The following TECRL variants were observed in gnomAD, a reference collection of about 807,000 sequenced individuals.
TECRL encodes the protein trans-2,3-enoyl-CoA reductase-like.
Under a neutral mutation model 52.8 loss-of-function variants are expected in TECRL, and 63 were observed. The observed-to-expected ratio is 1.19, with a 90% CI of 0.97 to 1.47. The LOEUF (loss-of-function observed/expected upper bound fraction) is 1.47, where lower values mean the gene tolerates loss of function less well. Ranked by LOEUF, TECRL falls within the 40% of genes most tolerant of loss-of-function variation. TECRL has a pLI of 0.00. For missense variants in TECRL, 482 were observed against 429.6 expected (o/e 1.12, Z -1.08); for synonymous variants, 164 against 141.9 (o/e 1.16, Z -1.10).
intron 1 of TECRL, among the ~76,000 whole-genome samples, chr4:64,383,658 T>C (rs1722970993): frequency 6.6e-6 from 1 of 152,056 alleles, no homozygotes; most frequent in African/African-American, 2.4e-5. Flanking sequence ...TTCTGATTTA[T>C]TTGTATTTTT....
intron 5 of TECRL, among the ~76,000 whole-genome samples, chr4:64,313,499 T>A (rs1447021092): frequency 5.0e-5 from 3 of 60,484 alleles, no homozygotes; most frequent in African/African-American, 9.3e-5. Context: ...TTTTTTTTTT[T>A]GAGACGGAGT....
intron 8 of TECRL, among the ~76,000 whole-genome samples, chr4:64,297,400 C>T (rs1723749628): frequency 1.3e-5 from 2 of 150,730 alleles, no homozygotes; most frequent in African/African-American, 4.8e-5. Context: ...GTACATAGGT[C>T]AAAAATAAGA....
intron 5 of TECRL, among the ~76,000 whole-genome samples, chr4:64,312,071 G>A (rs1353215898): frequency 2.0e-5 from 3 of 152,140 alleles, no homozygotes; most frequent in South Asian, 2.1e-4. Flanking sequence ...CCCCGTGTGC[G>A]GAGGTTTCTA....
chr4:64,298,956 C>T (rs1723848098), intron 8 of TECRL: 2 of 151,118 alleles, frequency 1.3e-5, no homozygotes, highest in Admixed American at 6.6e-5. Flanking sequence ...CAGAATTCCT[C>T]TCCTTGAACA....
intron 1 of TECRL, among the ~76,000 whole-genome samples, chr4:64,381,763 T>C (rs554561570): frequency 1.3e-5 from 2 of 152,242 alleles, no homozygotes; most frequent in South Asian, 2.1e-4. Flanking sequence ...TAGGGTATTA[T>C]CTTTTTGATG....
intron 1 of TECRL, among the ~76,000 whole-genome samples, chr4:64,390,008 T>A (rs1560552149): frequency 6.6e-6 from 1 of 151,850 alleles, no homozygotes. Flanking sequence ...AATGTTCATA[T>A]ACCTGGGAGC....
intron 7 of TECRL, among the ~76,000 whole-genome samples, chr4:64,300,320 TG>T (rs947333888): frequency 2.7e-5 from 4 of 150,936 alleles, no homozygotes; most frequent in African/African-American, 9.6e-5. Context: ...CACTTAAGTA[TG>T]GCCAAGCATA....
At chr4:64,341,200 T>C (rs282240) in intron 2 of TECRL, among the ~76,000 whole-genome samples, 146,199 of 152,206 alleles carry the variant, frequency 0.96, 70,487 homozygotes, top group East Asian at 1. Flanking sequence ...GTCCAAGCTC[T>C]TCTTCATCTT....
At chr4:64,351,365 C>G (rs981252861) in intron 2 of TECRL, among the ~76,000 whole-genome samples, 2 of 151,764 alleles carry the variant, frequency 1.3e-5, no homozygotes, top group African/African-American at 4.8e-5. Flanking sequence ...CTCACTTCAG[C>G]CTTGAGCTCA....
chr4:64,327,032 A>G (rs137855300), intron 3 of TECRL, among the ~76,000 whole-genome samples: 2,056 of 152,190 alleles, frequency 0.014, 18 homozygotes, highest in Non-Finnish European at 0.021. Flanking sequence ...ACATATAAAC[A>G]CTAACACTTT....
chr4:64,404,244 A>C (rs1467219592), intron 1 of TECRL, among the ~76,000 whole-genome samples: 1 of 150,136 alleles, frequency 6.7e-6, no homozygotes, highest in Admixed American at 6.6e-5. Flanking sequence ...AAACAATAGG[A>C]GAAAGAGAGC....
intron 2 of TECRL, among the ~76,000 whole-genome samples, chr4:64,352,485 A>G (rs1227881078): frequency 6.6e-6 from 1 of 152,214 alleles, no homozygotes; most frequent in African/African-American, 2.4e-5. Flanking sequence ...CTTTTCTCCA[A>G]TGAAGATGCT....
At chr4:64,373,318 A>G (rs963201377) in intron 2 of TECRL, among the ~76,000 whole-genome samples, 1 of 151,796 alleles carries the variant, frequency 6.6e-6, no homozygotes, top group Non-Finnish European at 1.5e-5. Flanking sequence ...GGAAAATAAA[A>G]TAATAGCTAT....
chr4:64,335,339 C>T (rs1211846632), intron 2 of TECRL, among the ~76,000 whole-genome samples: 1 of 152,194 alleles, frequency 6.6e-6, no homozygotes, highest in Non-Finnish European at 1.5e-5. Flanking sequence ...TTGCATGCTC[C>T]TTATGAGAAT....
intron 1 of TECRL, among the ~76,000 whole-genome samples, chr4:64,390,363 G>A (rs533044426): frequency 6.6e-6 from 1 of 151,938 alleles, no homozygotes; most frequent in African/African-American, 2.4e-5. Flanking sequence ...ATGTCAAAGT[G>A]GAGCATGATC....
At chr4:64,345,075 G>A (rs1336380349) in intron 2 of TECRL, among the ~76,000 whole-genome samples, 1 of 152,212 alleles carries the variant, frequency 6.6e-6, no homozygotes, top group African/African-American at 2.4e-5. Context: ...TGGAGAGGAT[G>A]TGGAGAAATA....
rs184653783 is a variant in TECRL, at chr4:64,333,738, T to C, written c.287-5182A>G. Among the ~76,000 whole-genome samples, 615 of 149,456 alleles carry C rather than the reference T, an allele frequency of 4.1e-3. 26 individuals carry two copies. The highest frequency in any genetic ancestry group is 6.2e-3 in the Non-Finnish European group (418 of 67,658). On this transcript the variant is annotated intron_variant, in intron 2 of 11. Transcript: ENST00000381210. ...AGTGTCATGGCATGAGAGAATGTCC[T>C]GGCCGGGCGCGGTGGCTCACGCCTG...
At chr4:64,308,234 T>C (rs886259565) in intron 6 of TECRL, among the ~76,000 whole-genome samples, 1 of 152,086 alleles carries the variant, frequency 6.6e-6, no homozygotes, top group African/African-American at 2.4e-5. Context: ...CAGAAGGAAA[T>C]GTGGTTAAGA....
At chr4:64,306,467 A>G (rs905145148) in intron 6 of TECRL, among the ~76,000 whole-genome samples, 2 of 152,054 alleles carry the variant, frequency 1.3e-5, no homozygotes, top group Non-Finnish European at 2.9e-5. Context: ...ATTTTATATC[A>G]CATTTTCTTT....
Sources: allele counts gnomAD v4.1 joint callset (sites outside exome capture counted in the v4.1 genomes callset), GRCh38; gene constraint gnomAD v4.1.1; transcripts MANE v1.5; gene names NCBI Gene and HGNC (gene_info 2026-07-23, HGNC 2026-07-21).